Variants in DLG5 observed in about 807,000 individuals in gnomAD.
DLG5 encodes disks large homolog 5.
A neutral mutation model predicts 189.8 loss-of-function variants in DLG5; 48 were observed. That is an observed-to-expected ratio of 0.25 (90% CI 0.20 to 0.32). DLG5 has a LOEUF of 0.32. Among genes scored for constraint, DLG5 ranks in the 10% least tolerant of loss-of-function variants. The pLI, the probability that DLG5 is intolerant of heterozygous loss-of-function variation, is 1.00. For missense variants in DLG5, 2,160 were observed against 2,544.7 expected, an observed-to-expected ratio of 0.85 and a Z score of 3.25; for synonymous variants, 1,016 against 1,054.1, an observed-to-expected ratio of 0.96 and a Z score of 0.70.
chr10:77,819,568 G>C, intron 16 of DLG5, 103 bp from the exon 17 acceptor site: 1 of 1,430,828 alleles, frequency 7.0e-7, no homozygotes, highest in Non-Finnish European at 9.3e-7. Context: ...GCAGTCTTTT[G>C]GGAAAAGGAC....
intron 5 of DLG5, among the ~76,000 whole-genome samples, chr10:77,844,254 GTGT>G (rs1004991091): frequency 3.3e-5 from 5 of 152,176 alleles, no homozygotes; most frequent in Non-Finnish European, 5.9e-5. Context: ...CACTTCTTGT[GTGT>G]TGTTGTGATT....
chr10:77,861,950 G>A (rs1589229159), intron 2 of DLG5, among the ~76,000 whole-genome samples: 1 of 152,146 alleles, frequency 6.6e-6, no homozygotes, highest in African/African-American at 2.4e-5. Context: ...CGATGCCTCC[G>A]GCCTTTTGTA....
chr10:77,857,821 C>T (rs1381999789), intron 2 of DLG5, among the ~76,000 whole-genome samples: 5 of 152,220 alleles, frequency 3.3e-5, no homozygotes, highest in Non-Finnish European at 7.3e-5. Flanking sequence ...GAGGAGCTCA[C>T]AGCAACCATC....
At chr10:77,823,633 C>T (rs540171024) in intron 14 of DLG5, among the ~76,000 whole-genome samples, 64 of 151,030 alleles carry the variant, frequency 4.2e-4, no homozygotes, top group Non-Finnish European at 4.6e-4. Flanking sequence ...TGGGTTCAAG[C>T]GATTCTCCTG....
At chr10:77,860,795 C>T (rs571825703) in intron 2 of DLG5, among the ~76,000 whole-genome samples, 1 of 152,286 alleles carries the variant, frequency 6.6e-6, no homozygotes, top group East Asian at 1.9e-4. Context: ...GTATTAACCT[C>T]AAAACTTGCA....
chr10:77,838,742 C>G (rs1843271722), intron 7 of DLG5, among the ~76,000 whole-genome samples: 1 of 152,200 alleles, frequency 6.6e-6, no homozygotes, highest in South Asian at 2.1e-4. Flanking sequence ...GCCAGAAGGC[C>G]CCCCACAGCT....
intron 20 of DLG5, among the ~76,000 whole-genome samples, chr10:77,814,733 C>A (rs1201510567): frequency 2.0e-5 from 3 of 151,710 alleles, no homozygotes; most frequent in Non-Finnish European, 4.4e-5. Context: ...TGCCACCGTG[C>A]CTGGCTAATT....
the DLG5 span, among the ~76,000 whole-genome samples, chr10:77,937,453 C>T: frequency 0.68 from 103,042 of 151,992 alleles, 35,552 homozygotes; most frequent in African/African-American, 0.81. Context: ...GACAGGGACC[C>T]TGTGCTGTTA....
rs1361646600 is a variant in DLG5 at position 77,871,559 on chromosome 10, T to G, written c.305-2362A>C. ...CACTTTTTTTTTTTTTTTTTTTTTTTTGAGACAGAGTCTTGCACTGTCGCC... is the reference window on the plus strand; with the variant it reads ...CACTTTTTTTTTTTTTTTTTTTTTTGTGAGACAGAGTCTTGCACTGTCGCC... On this transcript the variant is annotated intron_variant, in intron 1 of 31. Transcript: ENST00000372391. Among the ~76,000 whole-genome samples the G allele has an allele frequency of 4.1e-5, 6 of 147,722 alleles. No homozygotes were observed. In the East Asian group the frequency reaches 1.2e-3, roughly 29 times the overall value.
At chr10:77,910,987 G>GAA (rs55832630) in intron 1 of DLG5, among the ~76,000 whole-genome samples, 256 of 84,182 alleles carry the variant, frequency 3.0e-3, no homozygotes, top group African/African-American at 8.4e-3. Context: ...CTGTCTGAAG[G>GAA]AAAAAAAAAA....
At chr10:77,937,601 C>T in the DLG5 span, among the ~76,000 whole-genome samples, 1,096 of 152,110 alleles carry the variant, frequency 7.2e-3, 13 homozygotes, top group African/African-American at 0.025. Context: ...CTTTAGGTCT[C>T]AGTTTAAAGG....
chr10:77,822,992 A>G (rs962457465), intron 14 of DLG5, among the ~76,000 whole-genome samples: 17 of 152,352 alleles, frequency 1.1e-4, no homozygotes, highest in African/African-American at 4.1e-4. Flanking sequence ...ATGGTAGTAC[A>G]TGTCATCACC....
In DLG5 at chr10:77,830,342, C is replaced by T. The variant is rs776706093; in HGVS notation, c.1884G>A (p.Glu628=). 6.8e-6 allele frequency: 11 copies of T among 1,614,020 alleles called. No homozygotes were observed. In the African/African-American group the frequency reaches 1.5e-4, roughly 22 times the overall value. ...ACCCCAGTGCCTTCAAGTCAATATC[C>T]TCCTGCAAAAACAGCAGCAACAGCA... ...TEVVEFERET[E]DIDLKALGFD... The change falls in exon 11 of 32, where the codon GAG becomes GAA. Residue 628 remains glutamate (E), a splice_region_variant and synonymous_variant. Transcript: ENST00000372391.
At chr10:77,820,908 G>A (rs1842313068) in intron 15 of DLG5, 174 bp downstream of exon 15, 13 of 741,170 alleles carry the variant, frequency 1.8e-5, no homozygotes, top group Middle Eastern at 7.7e-4. Flanking sequence ...GCACTTCCAC[G>A]CCACTTACCT....
intron 15 of DLG5, 62 bp from the exon 16 acceptor site, chr10:77,820,080 T>G: frequency 6.2e-7 from 1 of 1,600,430 alleles, no homozygotes; most frequent in East Asian, 2.2e-5. Context: ...GCGCAGTGGC[T>G]CACACCTATA....
chr10:77,794,135 C>T lies in DLG5; in HGVS notation c.5547-18G>A, dbSNP rs774381383. 4.5e-5 allele frequency: 73 copies of T among 1,609,088 alleles called. 1 individual carries two copies. In the South Asian group the frequency reaches 6.8e-4, roughly 15 times the overall value. On this transcript the variant is annotated intron_variant, in intron 30 of 31. Transcript: ENST00000372391. ...TCTGCTCCCTGTGGGGACAGCCAGA[C>T]ACCAGGCTGAGCACTGAGCCTCCTC...
At chr10:77,875,300 T>C (rs955384044) in intron 1 of DLG5, among the ~76,000 whole-genome samples, 1 of 152,032 alleles carries the variant, frequency 6.6e-6, no homozygotes, top group Non-Finnish European at 1.5e-5. Flanking sequence ...GATAAGCACA[T>C]GAGAAGCCCG....
At chr10:77,920,724 C>T (rs1323240559) in intron 1 of DLG5, among the ~76,000 whole-genome samples, 1 of 152,176 alleles carries the variant, frequency 6.6e-6, no homozygotes, top group African/African-American at 2.4e-5. Context: ...TTGGATAGAG[C>T]TCCCTTTCTT....
intron 31 of DLG5, chr10:77,793,606 T>C (rs1840753550): frequency 6.0e-6 from 1 of 166,502 alleles, no homozygotes; most frequent in South Asian, 2.0e-4. Context: ...AAAACGGGAC[T>C]GCCCTGGAGG....
Sources: gnomAD v4.1 joint callset for allele counts (sites outside exome capture counted in the v4.1 genomes callset) on GRCh38, gnomAD v4.1.1 for gene constraint, MANE v1.5 for transcripts, NCBI Gene and HGNC (gene_info 2026-07-23, HGNC 2026-07-21) for gene names.